Variants in STK32B observed in about 807,000 individuals in gnomAD.
STK32B encodes serine/threonine-protein kinase 32B.
In STK32B, 43 loss-of-function variants were observed where a neutral mutation model predicts 52.6. The ratio of observed to expected loss-of-function variants is 0.82; its 90% CI spans 0.64 to 1.05. The LOEUF is 1.05. Ranked by LOEUF, STK32B falls within the 50% of genes least tolerant of loss-of-function variation. The pLI, the probability that STK32B is intolerant of heterozygous loss-of-function variation, is 0.00. For synonymous variants in STK32B, 238 were observed against 204.3 expected (o/e 1.17, Z -1.41); for missense variants, 621 against 534.6 (o/e 1.16, Z -1.59).
chr4:5,407,208 C>A (rs1387704016), intron 5 of STK32B, among the ~76,000 whole-genome samples: 2 of 152,140 alleles, frequency 1.3e-5, no homozygotes, highest in Non-Finnish European at 2.9e-5. Context: ...AAAAAAGTGA[C>A]CTTTGCTCCA....
chr4:5,452,842 C>T (rs1410571033), intron 7 of STK32B, among the ~76,000 whole-genome samples: 1 of 152,034 alleles, frequency 6.6e-6, no homozygotes. Flanking sequence ...TAAGTATATC[C>T]AATGTCCCAC....
chr4:5,280,631 A>G (rs1267876624), intron 3 of STK32B, among the ~76,000 whole-genome samples: 1 of 152,178 alleles, frequency 6.6e-6, no homozygotes, highest in African/African-American at 2.4e-5. Flanking sequence ...GCAGTGGCTT[A>G]TGCCTGTAAT....
chr4:5,473,646 T>C (rs576664411), intron 11 of STK32B, among the ~76,000 whole-genome samples: 1 of 152,146 alleles, frequency 6.6e-6, no homozygotes, highest in African/African-American at 2.4e-5. Flanking sequence ...TCACTCTCCC[T>C]GTAGACACCT....
intron 3 of STK32B, among the ~76,000 whole-genome samples, chr4:5,311,218 A>C (rs1021592333): frequency 5.3e-5 from 8 of 152,216 alleles, no homozygotes; most frequent in African/African-American, 1.9e-4. Flanking sequence ...TACCTGGAAG[A>C]GCAGATTTTG....
the STK32B span, among the ~76,000 whole-genome samples, chr4:5,029,877 C>A: frequency 1.3e-5 from 2 of 152,160 alleles, no homozygotes; most frequent in Non-Finnish European, 2.9e-5. Context: ...AAGGAAGAGA[C>A]CAGGTGGAGG....
chr4:5,378,033 G>A lies in STK32B; in HGVS notation c.435-20174G>A, dbSNP rs1279583562. ...TCTACTCTCGCTTTGTATTAAAAAG[G>A]GTAGTGGGAATTAGCAAATGTTACT... On this transcript the variant is annotated intron_variant, in intron 4 of 11. Coordinates refer to ENST00000282908, the MANE Select transcript of STK32B (RefSeq NM_018401.3). The surrounding 1 kb of genome is among the most constrained non-coding windows in gnomAD (Gnocchi z 4.4). Among the ~76,000 whole-genome samples the A allele has an allele frequency of 2.0e-5, 3 of 152,276 alleles. No individual in the cohort carries two copies. Among genetic ancestry groups the A allele is most frequent in the Non-Finnish European group, 4.4e-5 (3 of 68,018 alleles).
chr4:5,403,334 A>C (rs1231057746), intron 5 of STK32B, among the ~76,000 whole-genome samples: 2 of 152,150 alleles, frequency 1.3e-5, no homozygotes, highest in African/African-American at 4.8e-5. Flanking sequence ...GAGCACACTG[A>C]AATTACTCAG....
chr4:5,439,827 G>C (rs1577500641), intron 6 of STK32B, among the ~76,000 whole-genome samples: 1 of 151,454 alleles, frequency 6.6e-6, no homozygotes, highest in African/African-American at 2.4e-5. Context: ...CATATGGCTA[G>C]CCAGTTTTCC....
At chr4:5,158,367 G>A (rs1577118522) in intron 2 of STK32B, among the ~76,000 whole-genome samples, 1 of 152,148 alleles carries the variant, frequency 6.6e-6, no homozygotes, top group African/African-American at 2.4e-5. Context: ...ATGTCCTTCA[G>A]TGTGGGTGAG....
chr4:5,202,924 C>T (rs900811148), intron 3 of STK32B, among the ~76,000 whole-genome samples: 3 of 152,176 alleles, frequency 2.0e-5, no homozygotes, highest in Non-Finnish European at 2.9e-5. Flanking sequence ...TTAATATTAA[C>T]CTCAGCTTAG....
chr4:5,146,814 A>C (rs1331668582), intron 2 of STK32B, among the ~76,000 whole-genome samples: 1 of 152,168 alleles, frequency 6.6e-6, no homozygotes, highest in Non-Finnish European at 1.5e-5. Context: ...GTCTGTCTTA[A>C]TTACTGCAGG....
intron 3 of STK32B, among the ~76,000 whole-genome samples, chr4:5,305,560 GT>G (rs1446040247): frequency 1.3e-5 from 2 of 151,750 alleles, no homozygotes; most frequent in Non-Finnish European, 2.9e-5. Flanking sequence ...CTCCCATTTC[GT>G]TTCTAATTGA....
Position 5,398,671 on chromosome 4 carries a change from T to C in STK32B, c.472+427T>C, listed in dbSNP as rs962395108. ...AGGGTGAAATGAGAGTACACACTCATTTCTAGCAAGCAGAGCTTAATACTT... is the reference window on the plus strand; with the variant it reads ...AGGGTGAAATGAGAGTACACACTCACTTCTAGCAAGCAGAGCTTAATACTT... On this transcript the variant is annotated intron_variant, in intron 5 of 11. Transcript: ENST00000282908. The surrounding 1 kb of genome is among the most constrained non-coding windows in gnomAD (Gnocchi z 4.9). Among the ~76,000 whole-genome samples the C allele has an allele frequency of 1.3e-5, 2 of 152,190 alleles. No homozygotes were observed. Among genetic ancestry groups the C allele is most frequent in the Admixed American group, 1.3e-4 (2 of 15,284 alleles).
intron 3 of STK32B, among the ~76,000 whole-genome samples, chr4:5,234,000 C>T (rs992713862): frequency 1.3e-5 from 2 of 152,064 alleles, no homozygotes; most frequent in Non-Finnish European, 2.9e-5. Flanking sequence ...CTGGGACTCC[C>T]TCTTGCCCTG....
chr4:5,094,234 A>G (rs1560147928), intron 1 of STK32B, among the ~76,000 whole-genome samples: 1 of 152,238 alleles, frequency 6.6e-6, no homozygotes, highest in South Asian at 2.1e-4. Flanking sequence ...CTAAAACCAA[A>G]GAATTTAAGG....
chr4:5,215,790 T>C (rs1723147821), intron 3 of STK32B, among the ~76,000 whole-genome samples: 1 of 152,112 alleles, frequency 6.6e-6, no homozygotes, highest in Non-Finnish European at 1.5e-5. Context: ...GATGGGAACT[T>C]AGACACAGCT....
At chr4:5,438,173 G>T in intron 6 of STK32B, 1 of 973,670 alleles carries the variant, frequency 1.0e-6, no homozygotes, top group African/African-American at 1.8e-5. Context: ...AGCATGAAGG[G>T]ACTCCTTTTC....
chr4:5,221,114 G>A (rs1488670241), intron 3 of STK32B, among the ~76,000 whole-genome samples: 1 of 152,152 alleles, frequency 6.6e-6, no homozygotes, highest in African/African-American at 2.4e-5. Context: ...CTTCCTGGGA[G>A]CAATTGATGT....
intron 4 of STK32B, among the ~76,000 whole-genome samples, chr4:5,370,300 G>A (rs191545682): frequency 6.6e-6 from 1 of 152,288 alleles, no homozygotes; most frequent in Admixed American, 6.5e-5. Flanking sequence ...GGCTGACTTG[G>A]TACCTGCCAC....
Sources: gnomAD v4.1 joint callset for allele counts (sites outside exome capture counted in the v4.1 genomes callset) on GRCh38, gnomAD v4.1.1 for gene constraint, Gnocchi (gnomAD v3.1) non-coding constraint, MANE v1.5 for transcripts, NCBI Gene and HGNC (gene_info 2026-07-23, HGNC 2026-07-21) for gene names.